Variants in DMWD observed in about 807,000 individuals in gnomAD.
DMWD encodes dystrophia myotonica WD repeat-containing protein.
In DMWD, 19 loss-of-function variants were observed where a neutral mutation model predicts 45.8. The ratio of observed to expected loss-of-function variants is 0.41; its 90% confidence interval spans 0.29 to 0.61. The LOEUF (loss-of-function observed/expected upper bound fraction) is 0.61. Among genes scored for constraint, DMWD ranks in the 20% least tolerant of loss-of-function variants. The probability of loss-of-function intolerance (pLI) is 0.25; values close to 1 mark genes in which losing one functional copy is unlikely to be tolerated. For synonymous variants in DMWD, 515 were observed against 440.5 expected, an observed-to-expected ratio of 1.17 and a Z score of -2.12; for missense variants, 802 against 965.2, an observed-to-expected ratio of 0.83 and a Z score of 2.24.
chr19:45,789,537 C>T (rs1970326712), intron 2 of DMWD: 1 of 152,242 alleles, frequency 6.6e-6, no homozygotes, highest in South Asian at 2.1e-4. Context: ...AGAAGTGAGG[C>T]TCAGAGAATG....
chr19:45,783,987 G>T lies in DMWD; in HGVS notation c.*256C>A. On this transcript the variant is annotated 3_prime_UTR_variant, in exon 5 of 5. Coordinates refer to ENST00000270223, the MANE Select transcript of DMWD (RefSeq NM_004943.2). ...TCACATGCTGGGGACAGGGATGAGG[G>T]TAACACTGATGTTTCAGAGGAAGAG... is the stretch of plus-strand genomic sequence containing the variant. The T allele has an allele frequency of 1.6e-6, 1 of 636,466 alleles. No individual in the cohort carries two copies. Among genetic ancestry groups the T allele is most frequent in the Non-Finnish European group, 2.8e-6 (1 of 361,166 alleles). 39.4% of individuals were successfully genotyped at this position (636,466 alleles called of 1,614,324 possible).
At chr19:45,788,421 C>T (rs1296983068) in intron 2 of DMWD, among the ~76,000 whole-genome samples, 2 of 152,254 alleles carry the variant, frequency 1.3e-5, no homozygotes, top group African/African-American at 4.8e-5. Flanking sequence ...CTTCTGCCTT[C>T]CAGGGCTCAG....
rs1310730546 is a variant in DMWD, at chr19:45,784,666, C to A, written c.1952G>T (p.Arg651Met). The A allele has an allele frequency of 1.9e-6, 3 of 1,613,640 alleles. No individual in the cohort carries two copies. Among genetic ancestry groups the A allele is most frequent in the Non-Finnish European group, 2.5e-6 (3 of 1,179,736 alleles). ...EAQTGEGSWPRSPSKSVVEGI... is the reference protein window; with the variant it reads ...EAQTGEGSWPMSPSKSVVEGI... ...CTCTACCACTGACTTGCTGGGTGAC[C>A]TGGGCCAACTTCCTTCCCCTGTCTG... The change falls in exon 4 of 5, where the codon AGG becomes ATG. Residue 651 changes from arginine to methionine, a missense_variant. Physicochemically the swap from Arg to Met is moderately conservative, Grantham distance 91. Transcript: ENST00000270223.
intron 3 of DMWD, among the ~76,000 whole-genome samples, chr19:45,785,078 G>T (rs563347424): frequency 2.1e-3 from 316 of 152,314 alleles, no homozygotes; most frequent in Non-Finnish European, 3.0e-3. Flanking sequence ...GCAGTGACTT[G>T]TCCAGGGTCA....
intron 2 of DMWD, 30 bp downstream of exon 2, chr19:45,790,875 G>T (rs756704002): frequency 1.3e-6 from 2 of 1,581,896 alleles, no homozygotes; most frequent in Non-Finnish European, 1.7e-6. Flanking sequence ...AGAAGGCAGA[G>T]AAGTTGGGGG....
At chr19:45,791,698 G>A (rs1970358574) in intron 1 of DMWD, among the ~76,000 whole-genome samples, 3 of 150,914 alleles carry the variant, frequency 2.0e-5, no homozygotes, top group Admixed American at 1.3e-4. Context: ...CTTTAGAGAT[G>A]TCCTGAATCA....
chr19:45,783,539 G>A lies in DMWD; in HGVS notation c.*704C>T. The stretch of plus-strand genomic sequence containing the variant: ...AGGGTCCTGCTCCAGCCGCTGGTGT[G>A]GGTCACCAGTTGTGTGACTCGCAGG... On this transcript the variant is annotated 3_prime_UTR_variant, in exon 5 of 5. Transcript: ENST00000270223. The A allele has an allele frequency of 2.5e-6, 1 of 398,612 alleles. No individual in the cohort carries two copies. Among genetic ancestry groups the A allele is most frequent in the Non-Finnish European group, 4.4e-6 (1 of 226,108 alleles). The allele number at this position is 398,612 out of a possible 1,614,324, so 24.7% of individuals were successfully genotyped here. A position where few individuals can be genotyped will look rare whatever the true frequency, so the allele number is the denominator to read the frequency against.
chr19:45,787,447 G>A (rs749142371), intron 2 of DMWD, among the ~76,000 whole-genome samples: 32 of 152,174 alleles, frequency 2.1e-4, no homozygotes, highest in Admixed American at 1.8e-3. Context: ...CCAACAGTCT[G>A]TGGAAAAACT....
At chr19:45,791,541 A>C (rs1970356888) in intron 1 of DMWD, among the ~76,000 whole-genome samples, 1 of 151,956 alleles carries the variant, frequency 6.6e-6, no homozygotes, top group South Asian at 2.1e-4. Context: ...CATTCTCTTC[A>C]CTTTGTAGTC....
rs1970234567 is a variant in DMWD at position 45,784,265 on chromosome 19, G to C, written c.2003C>G (p.Ser668Cys). The C allele has an allele frequency of 6.6e-7, 1 of 1,525,494 alleles. No individual in the cohort carries two copies. The highest frequency in any genetic ancestry group is 1.3e-5 in the South Asian group (1 of 77,174). 94.5% of individuals were successfully genotyped at this position (1,525,494 alleles called of 1,614,324 possible). The change falls in exon 5 of 5, where the codon TCC becomes TGC. Residue 668 changes from serine (S) to cysteine (C), a missense_variant. Around this residue, in one of 9 missense-constraint regions of DMWD, gnomAD observed 303 missense variants for 332.9 expected, o/e 0.91. Transcript: ENST00000270223. ...GCTTCACACCACTGTGCCACTCGGGGAGTTGCCTGGTTGGGAGGAGATGCC... is the reference window on the plus strand; with the variant it reads ...GCTTCACACCACTGTGCCACTCGGGCAGTTGCCTGGTTGGGAGGAGATGCC... Reference protein sequence around the residue: ...VEGISSQPGNSPSGTVV With the variant: ...VEGISSQPGNCPSGTVV
chr19:45,791,001 G>C lies in DMWD; in HGVS notation c.528C>G (p.Ala176=). ...TCHDFNQFTA[A]TETISLLVGF... is the part of the protein sequence containing the mutation. The stretch of plus-strand genomic sequence containing the variant: ...CCACCAGCAGCGAGATGGTCTCGGT[G>C]GCAGCAGTGAACTGGTTGAAATCGT... The change falls in exon 2 of 5, where the codon GCC becomes GCG. Residue 176 remains alanine (A), a synonymous_variant. Coordinates refer to ENST00000270223, the MANE Select transcript of DMWD (RefSeq NM_004943.2). The C allele has an allele frequency of 1.2e-6, 2 of 1,614,086 alleles. No individual in the cohort carries two copies. Among genetic ancestry groups the C allele is most frequent in the Non-Finnish European group, 1.7e-6 (2 of 1,180,002 alleles).
At position 45,785,795 on chromosome 19, in the gene DMWD, A is replaced by T. The variant is rs754953416; in HGVS notation, c.1701T>A (p.Pro567=). The change falls in exon 3 of 5, where the codon CCT becomes CCA. Residue 567 remains proline, a synonymous_variant. Transcript: ENST00000270223. Reference sequence around the variant, plus strand: ...CGGGGTCCAGGCGGCTGCGGGGAACAGGGCCGCTGGGCTTCTCCCCACCAC... The same window carrying T: ...CGGGGTCCAGGCGGCTGCGGGGAACTGGGCCGCTGGGCTTCTCCCCACCAC... ...SGSGGEKPSG[P]VPRSRLDPAK... 1 of 1,611,922 alleles carries T rather than the reference A, an allele frequency of 6.2e-7. No homozygotes were observed. The highest frequency in any genetic ancestry group is 1.7e-5 in the Admixed American group (1 of 59,970).
chr19:45,790,814 C>A, intron 2 of DMWD, 91 bp downstream of exon 2: 2 of 1,462,794 alleles, frequency 1.4e-6, no homozygotes, highest in Non-Finnish European at 1.9e-6. Context: ...CCTCTCAGGC[C>A]TACACTGTTC....
Position 45,783,280 on chromosome 19 carries a change from G to A in DMWD, c.*963C>T, listed in dbSNP as rs1568590147. ...CGGCTCCGAGAGCCAAGAGGAATCTGAGCTCTTCTTTCCAGGGTGGACGGT... is the reference window on the plus strand; with the variant it reads ...CGGCTCCGAGAGCCAAGAGGAATCTAAGCTCTTCTTTCCAGGGTGGACGGT... On this transcript the variant is annotated 3_prime_UTR_variant, in exon 5 of 5. Transcript: ENST00000270223. The A allele has an allele frequency of 1.9e-5, 6 of 313,890 alleles. No homozygotes were observed. The highest frequency in any genetic ancestry group is 2.9e-5 in the Non-Finnish European group (5 of 172,852). The allele number at this position is 313,890 out of a possible 1,614,324, so 19.4% of individuals were successfully genotyped here.
chr19:45,784,561 G>C, intron 4 of DMWD, 80 bp downstream of exon 4: 4 of 1,609,196 alleles, frequency 2.5e-6, no homozygotes, highest in Non-Finnish European at 3.4e-6. Context: ...AAGGGTGGGA[G>C]GGGAGGGGGA....
chr19:45,784,686 T>G lies in DMWD; in HGVS notation c.1932A>C (p.Thr644=). The change falls in exon 4 of 5, where the codon ACA becomes ACC. Residue 644 remains threonine (T), a synonymous_variant. Transcript: ENST00000270223. Reference sequence around the variant, plus strand: ...GTGACCTGGGCCAACTTCCTTCCCCTGTCTGGGCCTCGGTCTCCTCGTCTG... The same window carrying G: ...GTGACCTGGGCCAACTTCCTTCCCCGGTCTGGGCCTCGGTCTCCTCGTCTG... The part of the protein sequence containing the change: ...AFTDEETEAQ[T]GEGSWPRSPS... 3 of 1,613,544 alleles carry G rather than the reference T, an allele frequency of 1.9e-6. No homozygotes were observed. Among genetic ancestry groups the G allele is most frequent in the Non-Finnish European group, 2.5e-6 (3 of 1,179,526 alleles).
rs767838340 is a variant in DMWD, at chr19:45,792,566, C to A, written c.191G>T (p.Gly64Val). ...GCCGGGACCGGAGGCGGAGGCAGGGCCGGGCGGGGGCTGCGGTGGCTGAGG... is the reference window on the plus strand; with the variant it reads ...GCCGGGACCGGAGGCGGAGGCAGGGACGGGCGGGGGCTGCGGTGGCTGAGG... ...VPPQPPQPPP[G>V]PASASGPGAA... The change falls in exon 1 of 5, where the codon GGC becomes GTC. Residue 64 changes from glycine to valine, a missense_variant. Gly to Val is a moderately radical substitution (Grantham distance 109, BLOSUM62 -3). Around this residue, in one of 9 missense-constraint regions of DMWD, gnomAD observed 151 missense variants for 128.1 expected, o/e 1.18. Transcript: ENST00000270223. 1.6e-6 allele frequency: 2 copies of A among 1,240,156 alleles called. No individual in the cohort carries two copies. Among genetic ancestry groups the A allele is most frequent in the South Asian group, 2.2e-5 (1 of 46,160 alleles). The allele number at this position is 1,240,156 out of a possible 1,614,324, so 76.8% of individuals were successfully genotyped here.
At chr19:45,784,462 CT>C in intron 4 of DMWD, 172 bp from the exon 5 acceptor site, 1 of 1,294,008 alleles carries the variant, frequency 7.7e-7, no homozygotes, top group Non-Finnish European at 1.1e-6. Context: ...GAACTTGCAT[CT>C]TAGCTAGCTT....
chr19:45,786,304 C>G lies in DMWD; in HGVS notation c.1192G>C (p.Gly398Arg). Residue 398 changes from glycine to arginine, a missense_variant, in exon 3 of 5, where the codon GGC (glycine) becomes CGC (arginine). By Grantham distance (125) the Gly-to-Arg change is moderately radical (BLOSUM62 -2). Transcript: ENST00000270223. ...TAAGADGERS[G>R]EEEEEEPEAA... ...TCGGGCTCCTCCTCCTCCTCTTCGC[C>G]GCTCCGCTCCCCATCAGCACCGGCT... 1 of 1,605,778 alleles carries G rather than the reference C, an allele frequency of 6.2e-7. No homozygotes were observed. Among genetic ancestry groups the G allele is most frequent in the Non-Finnish European group, 8.5e-7 (1 of 1,174,574 alleles).
Sources: gnomAD v4.1 joint callset for allele counts (sites outside exome capture counted in the v4.1 genomes callset) on GRCh38, gnomAD v4.1.1 for gene constraint, gnomAD v4.1.1 regional missense constraint, MANE v1.5 for transcripts, NCBI Gene and HGNC (gene_info 2026-07-23, HGNC 2026-07-21) for gene names.